TSC2: variants seen among roughly 807,000 people sequenced by gnomAD.
The protein encoded by TSC2 is TSC complex subunit 2.
TSC2 carries 29 observed loss-of-function variants against 202.2 expected under a neutral mutation model. That is an observed-to-expected ratio of 0.14 (90% CI 0.11 to 0.20). The LOEUF is 0.20. TSC2 is among the 10% of genes least tolerant of loss of function. The probability of loss-of-function intolerance (pLI) is 1.00; values close to 1 mark genes in which losing one functional copy is unlikely to be tolerated. For missense variants in TSC2, 2,429 were observed against 2,420.0 expected (o/e 1.00, Z -0.08); for synonymous variants, 1,349 against 1,044.0 (o/e 1.29, Z -5.63).
intron 10 of TSC2, 50 bp from the exon 11 acceptor site, chr16:2,060,620 C>T: frequency 6.2e-7 from 1 of 1,613,202 alleles, no homozygotes; most frequent in African/African-American, 1.3e-5. Context: ...GGGCGTCCCA[C>T]AGCAAGCAAG....
intron 9 of TSC2, 121 bp from the exon 10 acceptor site, chr16:2,058,626 G>GCC: frequency 6.9e-7 from 1 of 1,443,352 alleles, no homozygotes. Flanking sequence ...CGGTGCTCCT[G>GCC]CCCCCCCCAA....
Position 2,088,650 on chromosome 16 carries a change from T to C in TSC2, c.*40T>C, listed in dbSNP as rs1446334813. On this transcript the variant is annotated 3_prime_UTR_variant, in exon 42 of 42. Transcript: ENST00000219476. Reference sequence around the variant, plus strand: ...CTCCTGCACTGGCCTTGGACGGTATTGCCTGTCAGTGAAATAAATAAAGTC... The same window carrying C: ...CTCCTGCACTGGCCTTGGACGGTATCGCCTGTCAGTGAAATAAATAAAGTC... The C allele has an allele frequency of 2.5e-6, 4 of 1,576,022 alleles. No homozygotes were observed. Among genetic ancestry groups the C allele is most frequent in the Admixed American group, 1.8e-5 (1 of 56,164 alleles).
chr16:2,050,598 C>CA, intron 3 of TSC2, 112 bp downstream of exon 3: 1 of 477,016 alleles, frequency 2.1e-6, no homozygotes. Context: ...CTGGTTTGCA[C>CA]TTTTTTTTTT....
Position 2,064,243 on chromosome 16 carries a change from G to T in TSC2, c.1444-29G>T, listed in dbSNP as rs778300365. On this transcript the variant is annotated intron_variant, in intron 14 of 41. Transcript: ENST00000219476. ...GAGATGTGGCCCTCGTTGGGCTGGC[G>T]CTCATTGGCCTCCCTTGTGCCTGTG... is the stretch of plus-strand genomic sequence containing the variant. The T allele has an allele frequency of 1.3e-5, 21 of 1,613,656 alleles. No homozygotes were observed. The African/African-American group carries it at 2.5e-4, about 19-fold the overall frequency.
chr16:2,077,958 A>C (rs2089641001), intron 26 of TSC2, among the ~76,000 whole-genome samples: 1 of 152,094 alleles, frequency 6.6e-6, no homozygotes, highest in Non-Finnish European at 1.5e-5. Flanking sequence ...CCGCTCCGAG[A>C]GAGCCAGGCG....
At chr16:2,085,411 C>A in intron 36 of TSC2, 89 bp downstream of exon 36, 1 of 1,383,764 alleles carries the variant, frequency 7.2e-7, no homozygotes, top group Non-Finnish European at 1.0e-6. Context: ...CCCAACGCCC[C>A]ACAGAGCTCA....
chr16:2,080,640 C>T (rs112784562), intron 30 of TSC2: 82 of 484,156 alleles, frequency 1.7e-4, no homozygotes, highest in Middle Eastern at 5.8e-4. Context: ...CCCGCCACCA[C>T]GCCTGGCCAA....
intron 6 of TSC2, chr16:2,055,860 C>T (rs2085737336): frequency 1.3e-5 from 6 of 455,058 alleles, no homozygotes; most frequent in South Asian, 2.1e-5. Context: ...CACTGCACTC[C>T]AGCCTGGGTG....
rs1023890395 is a variant in TSC2, at chr16:2,065,699, C to T, written c.1716+64C>T. 7.7e-5 allele frequency: 110 copies of T among 1,423,300 alleles called. No homozygotes were observed. The African/African-American group carries it at 1.1e-3, about 15-fold the overall frequency. The allele number at this position is 1,423,300 out of a possible 1,614,324, so 88.2% of individuals were successfully genotyped here. A position where few individuals can be genotyped will look rare whatever the true frequency, so the allele number is the denominator to read the frequency against. On this transcript the variant is annotated intron_variant, in intron 16 of 41. Coordinates refer to ENST00000219476, the MANE Select transcript of TSC2 (RefSeq NM_000548.5). ...CATGGCTAGCGTCCACCAGCTGCAT[C>T]TGCGTTGTGTTGGAGTCTGTTCCCC...
chr16:2,061,576 T>G, intron 11 of TSC2: 1 of 469,002 alleles, frequency 2.1e-6, no homozygotes, highest in Non-Finnish European at 4.0e-6. Flanking sequence ...CCTTGGGGGG[T>G]GGGGTACGGG....
In TSC2 at chr16:2,050,656, A is replaced by T. The variant is rs961913823; in HGVS notation, c.225+170A>T. ...TTGCTCTGTCGCCCAGGCTGGCACA[A>T]TCTTGGCTCACTGCAGCCTCTGCCT... On this transcript the variant is annotated intron_variant, in intron 3 of 41. Coordinates refer to ENST00000219476, the MANE Select transcript of TSC2 (RefSeq NM_000548.5). Among the ~76,000 whole-genome samples the T allele has an allele frequency of 4.1e-5, 6 of 147,934 alleles. No homozygotes were observed. The East Asian group carries it at 1.2e-3, about 29-fold the overall frequency.
At chr16:2,076,615 G>C (rs771870184) in intron 25 of TSC2, 30 bp downstream of exon 25, 4 of 1,609,590 alleles carry the variant, frequency 2.5e-6, no homozygotes, top group Non-Finnish European at 3.4e-6. Context: ...GCCTGGAGTC[G>C]GTGTGGGGTG....
At chr16:2,083,371 G>C (rs2090369120) in intron 32 of TSC2, 30 of 496,170 alleles carry the variant, frequency 6.0e-5, no homozygotes, top group South Asian at 5.4e-4. Flanking sequence ...CTCTTTTAGA[G>C]CTGAGGCCCG....
Position 2,064,309 on chromosome 16 carries a change from C to T in TSC2, c.1481C>T (p.Ser494Phe), listed in dbSNP as rs751984707. The T allele has an allele frequency of 6.2e-7, 1 of 1,613,908 alleles. No individual in the cohort carries two copies. Among genetic ancestry groups the T allele is most frequent in the South Asian group, 1.1e-5 (1 of 91,084 alleles). ...AACTCAGTGGTCATCTCGCAGCTCT[C>T]CCACATCCCCGAGGATAAAGACCAC... is the stretch of plus-strand genomic sequence containing the variant. ...LINSVVISQLSHIPEDKDHQV... is the reference protein window; with the variant it reads ...LINSVVISQLFHIPEDKDHQV... The change falls in exon 15 of 42, where the codon TCC becomes TTC. Residue 494 changes from serine (S) to phenylalanine (F), a missense_variant. Ser to Phe is a radical substitution (Grantham distance 155). Transcript: ENST00000219476.
Position 2,087,066 on chromosome 16 carries a change from C to T in TSC2, c.4989+195C>T, listed in dbSNP as rs942316237. Reference sequence around the variant, plus strand: ...CTCTGTGCCCTGAAGCCTGTGGCGCCTGCTGCTGAGTGTCTGTCAGGAGTA... The same window carrying T: ...CTCTGTGCCCTGAAGCCTGTGGCGCTTGCTGCTGAGTGTCTGTCAGGAGTA... On this transcript the variant is annotated intron_variant, in intron 38 of 41. Coordinates refer to ENST00000219476, the MANE Select transcript of TSC2 (RefSeq NM_000548.5). The T allele has an allele frequency of 8.7e-6, 7 of 808,482 alleles. No homozygotes were observed. In the African/African-American group the frequency reaches 1.2e-4, roughly 14 times the overall value. The allele number at this position is 808,482 out of a possible 1,614,324, so 50.1% of individuals were successfully genotyped here. A position where few individuals can be genotyped will look rare whatever the true frequency, so the allele number is the denominator to read the frequency against.
intron 16 of TSC2, among the ~76,000 whole-genome samples, chr16:2,069,478 T>C (rs1454096535): frequency 1.3e-5 from 2 of 149,468 alleles, no homozygotes; most frequent in African/African-American, 2.5e-5. Flanking sequence ...CCACCACACC[T>C]GGCTAATTTT....
rs747320871 is a variant in TSC2 at position 2,073,022 on chromosome 16, C to G, written c.2355+39C>G. ...GCAGGACAGGCGAGCTTGATGGGGCCTGGGATTCGAGGGCCTGGCCCAGGT... is the reference window on the plus strand; with the variant it reads ...GCAGGACAGGCGAGCTTGATGGGGCGTGGGATTCGAGGGCCTGGCCCAGGT... On this transcript the variant is annotated intron_variant, in intron 21 of 41. Coordinates refer to ENST00000219476, the MANE Select transcript of TSC2 (RefSeq NM_000548.5). 3.1e-6 allele frequency: 5 copies of G among 1,612,608 alleles called. No homozygotes were observed. In the Admixed American group the frequency reaches 8.3e-5, roughly 27 times the overall value.
chr16:2,049,553 G>A (rs1004585452), intron 2 of TSC2, among the ~76,000 whole-genome samples: 3 of 151,896 alleles, frequency 2.0e-5, no homozygotes, highest in Non-Finnish European at 4.4e-5. Context: ...GGCTGGGTGC[G>A]GTGGCTCACG....
chr16:2,075,456 G>A (rs1426100315), intron 22 of TSC2, among the ~76,000 whole-genome samples: 2 of 150,224 alleles, frequency 1.3e-5, no homozygotes, highest in Non-Finnish European at 3.0e-5. Context: ...GAACCCAGGG[G>A]GTGGAGCTTG....
Sources: allele counts gnomAD v4.1 joint callset (sites outside exome capture counted in the v4.1 genomes callset), GRCh38; gene constraint gnomAD v4.1.1; transcripts MANE v1.5; gene names NCBI Gene and HGNC (gene_info 2026-07-23, HGNC 2026-07-21).